Variants in ERC2 observed in about 807,000 individuals in gnomAD.
ERC2 encodes the protein ELKS/RAB6-interacting/CAST family member 2.
In ERC2, 42 loss-of-function variants were observed where a neutral mutation model predicts 114.8. The observed-to-expected ratio is 0.37, with a 90% confidence interval of 0.29 to 0.47. ERC2 has a LOEUF of 0.47. Among genes scored for constraint, ERC2 ranks in the 20% least tolerant of loss-of-function variants. The pLI, the probability that ERC2 is intolerant of heterozygous loss-of-function variation, is 0.99. For synonymous variants in ERC2, 454 were observed against 425.5 expected (o/e 1.07, Z -0.82); for missense variants, 939 against 1,150.7 (o/e 0.82, Z 2.66).
chr3:55,633,697 G>A (rs2059845313), intron 17 of ERC2, among the ~76,000 whole-genome samples: 1 of 152,208 alleles, frequency 6.6e-6, no homozygotes, highest in Admixed American at 6.5e-5. Flanking sequence ...GCAGCAGTGA[G>A]GATAATGGGT....
chr3:56,001,554 A>C (rs1339928381), intron 10 of ERC2, among the ~76,000 whole-genome samples: 1 of 152,124 alleles, frequency 6.6e-6, no homozygotes, highest in Non-Finnish European at 1.5e-5. Flanking sequence ...TTAGTCACTG[A>C]AAAGACTGAA....
In ERC2 at chr3:55,531,689, G is replaced by T. The variant is rs116703896; in HGVS notation, c.*40-20413C>A. ...ATTCTCCCTCTGATTTCAACCTGCT[G>T]ATGGGAACCCTCAGCCAGGCCCAGG... On this transcript the variant is annotated intron_variant, in intron 17 of 17. Coordinates refer to ENST00000288221, the MANE Select transcript of ERC2 (RefSeq NM_015576.3). 6.4e-3 allele frequency among the ~76,000 whole-genome samples: 971 copies of T among 152,312 alleles called. 3 individuals are homozygous for T. Among genetic ancestry groups the T allele is most frequent in the Admixed American group, 0.011 (161 of 15,298 alleles).
At chr3:55,724,429 A>G (rs545782813) in intron 15 of ERC2, among the ~76,000 whole-genome samples, 94 of 152,318 alleles carry the variant, frequency 6.2e-4, no homozygotes, top group African/African-American at 2.2e-3. Context: ...ATTCAGGGAT[A>G]GCTCCTGGGA....
chr3:55,895,000 T>C (rs1472041004), intron 13 of ERC2, among the ~76,000 whole-genome samples: 1 of 152,186 alleles, frequency 6.6e-6, no homozygotes, highest in Non-Finnish European at 1.5e-5. Context: ...CTGCCCTACA[T>C]TCACTCCTCT....
chr3:56,317,600 C>CT (rs548552448), intron 2 of ERC2, among the ~76,000 whole-genome samples: 156 of 152,256 alleles, frequency 1.0e-3, no homozygotes, highest in Middle Eastern at 3.4e-3. Flanking sequence ...TAAGACATCA[C>CT]TTTTTTGTAC....
intron 1 of ERC2, among the ~76,000 whole-genome samples, chr3:56,462,197 A>G (rs1009601035): frequency 6.6e-6 from 1 of 152,242 alleles, no homozygotes; most frequent in Non-Finnish European, 1.5e-5. Flanking sequence ...TTCATATCTC[A>G]TTAGCAATTC....
chr3:55,599,013 T>C (rs954403353), intron 17 of ERC2, among the ~76,000 whole-genome samples: 2 of 152,214 alleles, frequency 1.3e-5, no homozygotes, highest in Admixed American at 1.3e-4. Context: ...AGGGCACAAG[T>C]AGGCTTCAAA....
chr3:55,772,583 T>A (rs1042473999), intron 14 of ERC2, among the ~76,000 whole-genome samples: 1 of 152,244 alleles, frequency 6.6e-6, no homozygotes, highest in Non-Finnish European at 1.5e-5. Flanking sequence ...TCCAAAGTGC[T>A]GGGATTACAG....
At chr3:55,904,122 T>C (rs1009611110) in intron 13 of ERC2, among the ~76,000 whole-genome samples, 5 of 152,232 alleles carry the variant, frequency 3.3e-5, no homozygotes, top group African/African-American at 7.2e-5. Flanking sequence ...AATGTTCTCA[T>C]GTACAGCAAC....
intron 17 of ERC2, among the ~76,000 whole-genome samples, chr3:55,667,313 T>C (rs1370403758): frequency 6.6e-6 from 1 of 152,236 alleles, no homozygotes; most frequent in African/African-American, 2.4e-5. Flanking sequence ...GTAAACCGTC[T>C]AGCACATTGT....
At position 55,992,779 on chromosome 3, in the gene ERC2, A is replaced by T. The variant is rs1414834822; in HGVS notation, c.2062-529T>A. ...TGTCATTCCACTGAGAAATTTCAGC[A>T]GGAAATATAGTTTGAAAGGAGGCTT... is the stretch of plus-strand genomic sequence containing the variant. On this transcript the variant is annotated intron_variant, in intron 10 of 17. Transcript: ENST00000288221. Among the ~76,000 whole-genome samples, 7 of 152,234 alleles carry T rather than the reference A, an allele frequency of 4.6e-5. No homozygotes were observed. The South Asian group carries it at 1.2e-3, about 27-fold the overall frequency.
At chr3:56,049,280 A>G (rs2075642130) in intron 7 of ERC2, among the ~76,000 whole-genome samples, 1 of 152,196 alleles carries the variant, frequency 6.6e-6, no homozygotes. Flanking sequence ...AAGCCCCCAC[A>G]GCCAAGCAGG....
intron 3 of ERC2, among the ~76,000 whole-genome samples, chr3:56,213,951 C>A (rs945824689): frequency 6.6e-6 from 1 of 152,132 alleles, no homozygotes; most frequent in South Asian, 2.1e-4. Context: ...GTCCTGACTG[C>A]TAGAAGGAAA....
chr3:55,588,148 G>A (rs1455195766), intron 17 of ERC2, among the ~76,000 whole-genome samples: 1 of 152,078 alleles, frequency 6.6e-6, no homozygotes. Flanking sequence ...CAAACATCAG[G>A]GTCGTTTCCT....
intron 3 of ERC2, among the ~76,000 whole-genome samples, chr3:56,261,060 A>C (rs2052888354): frequency 1.3e-5 from 2 of 152,194 alleles, no homozygotes; most frequent in Admixed American, 6.5e-5. Context: ...GCACAGCTCT[A>C]AACTTTCCTT....
intron 13 of ERC2, among the ~76,000 whole-genome samples, chr3:55,900,721 C>A (rs1187937996): frequency 6.6e-6 from 1 of 152,150 alleles, no homozygotes; most frequent in Non-Finnish European, 1.5e-5. Context: ...TCCAAAGCAC[C>A]CTTGCATCCT....
At chr3:55,835,923 A>T (rs1248341472) in intron 14 of ERC2, among the ~76,000 whole-genome samples, 1 of 151,630 alleles carries the variant, frequency 6.6e-6, no homozygotes, top group East Asian at 1.9e-4. Context: ...TACAAAATCA[A>T]TGTACAAAAA....
At chr3:56,376,729 C>T (rs1286354085) in intron 2 of ERC2, among the ~76,000 whole-genome samples, 1 of 149,922 alleles carries the variant, frequency 6.7e-6, no homozygotes, top group Non-Finnish European at 1.5e-5. Flanking sequence ...CACCACTGCA[C>T]TCCAGCCTGG....
At chr3:56,460,873 C>A (rs1448471247) in intron 1 of ERC2, among the ~76,000 whole-genome samples, 2 of 150,640 alleles carry the variant, frequency 1.3e-5, no homozygotes, top group African/African-American at 4.9e-5. Context: ...GTAATCCTAG[C>A]ACTTTGGGAG....
Sources: allele counts gnomAD v4.1 joint callset (sites outside exome capture counted in the v4.1 genomes callset), GRCh38; gene constraint gnomAD v4.1.1; transcripts MANE v1.5; gene names NCBI Gene and HGNC (gene_info 2026-07-23, HGNC 2026-07-21).